The following SMARCA2 variants were observed in gnomAD, a reference collection of about 807,000 sequenced individuals.
SMARCA2 encodes the protein SWI/SNF-related matrix-associated actin-dependent regulator of chromatin subfamily A member 2.
A neutral mutation model predicts 199.8 loss-of-function variants in SMARCA2; 61 were observed. The observed-to-expected ratio is 0.31, with a 90% CI of 0.25 to 0.38. The LOEUF is 0.38. Among genes scored for constraint, SMARCA2 ranks in the 10% least tolerant of loss-of-function variants. The probability of loss-of-function intolerance (pLI) is 1.00; values close to 1 mark genes in which losing one functional copy is unlikely to be tolerated. For missense variants in SMARCA2, 1,344 were observed against 2,012.2 expected, an observed-to-expected ratio of 0.67 and a Z score of 6.35; for synonymous variants, 935 against 732.0, an observed-to-expected ratio of 1.28 and a Z score of -4.48.
intron 27 of SMARCA2, among the ~76,000 whole-genome samples, chr9:2,156,838 GA>G (rs2130738025): frequency 6.6e-6 from 1 of 152,284 alleles, no homozygotes; most frequent in African/African-American, 2.4e-5. Context: ...ATCTCAAACT[GA>G]AATTCTGACC....
In SMARCA2 at chr9:2,104,207, C is replaced by A; in HGVS notation, c.3292+38C>A. 1.9e-6 allele frequency: 3 copies of A among 1,576,254 alleles called. No homozygotes were observed. Among genetic ancestry groups the A allele is most frequent in the African/African-American group, 1.4e-5 (1 of 73,998 alleles). The stretch of plus-strand genomic sequence containing the variant: ...GGCATTAGGCTCGGAAGCCATACTA[C>A]TGAAAATGAAGGGATAATGGGCACT... On this transcript the variant is annotated intron_variant, in intron 23 of 33. Transcript: ENST00000349721. The surrounding 1 kb of genome is among the most constrained non-coding windows in gnomAD (Gnocchi z 4.0).
intron 27 of SMARCA2, among the ~76,000 whole-genome samples, chr9:2,124,467 T>A (rs117058956): frequency 6.6e-6 from 1 of 152,212 alleles, no homozygotes; most frequent in African/African-American, 2.4e-5. Flanking sequence ...ACCTTTGTAC[T>A]TGCTTGGTTT....
intron 28 of SMARCA2, among the ~76,000 whole-genome samples, chr9:2,163,479 C>T (rs957251046): frequency 3.3e-5 from 5 of 152,154 alleles, no homozygotes; most frequent in African/African-American, 9.7e-5. Context: ...GTAACTCTTA[C>T]GTTTTTACTC....
At chr9:2,176,423 T>C (rs1483879603) in intron 29 of SMARCA2, among the ~76,000 whole-genome samples, 1 of 152,178 alleles carries the variant, frequency 6.6e-6, no homozygotes, top group Non-Finnish European at 1.5e-5. Flanking sequence ...TTTAAGACTC[T>C]AGACAAAGTC....
At chr9:2,083,303 A>G (rs1333945668) in intron 15 of SMARCA2, 44 bp from the exon 16 acceptor site, 1 of 1,316,414 alleles carries the variant, frequency 7.6e-7, no homozygotes, top group Non-Finnish European at 1.1e-6. Flanking sequence ...ATTGATTTTT[A>G]TACAAATGTC....
At chr9:2,078,600 T>G (rs376300955) in intron 14 of SMARCA2, among the ~76,000 whole-genome samples, 5 of 152,204 alleles carry the variant, frequency 3.3e-5, no homozygotes, top group African/African-American at 1.2e-4. Flanking sequence ...TTAGTGACGT[T>G]TCCCAAATTG....
intron 28 of SMARCA2, among the ~76,000 whole-genome samples, chr9:2,166,172 A>G (rs1172483023): frequency 6.6e-6 from 1 of 152,250 alleles, no homozygotes; most frequent in African/African-American, 2.4e-5. Context: ...TCCTTCAGGT[A>G]GGAACACTTC....
chr9:2,109,618 T>A (rs982792257), intron 23 of SMARCA2, among the ~76,000 whole-genome samples: 2 of 136,920 alleles, frequency 1.5e-5, no homozygotes, highest in Non-Finnish European at 3.0e-5. Context: ...AGAAACAGAC[T>A]AAGAGATTTC....
intron 2 of SMARCA2, among the ~76,000 whole-genome samples, chr9:2,030,236 A>G (rs930863666): frequency 1.3e-5 from 2 of 152,200 alleles, no homozygotes; most frequent in Non-Finnish European, 2.9e-5. Flanking sequence ...ATTGGCTCAC[A>G]CAGTTATGGA....
chr9:2,022,423 TTGA>T (rs1188816628), intron 1 of SMARCA2, among the ~76,000 whole-genome samples: 1 of 152,214 alleles, frequency 6.6e-6, no homozygotes, highest in Admixed American at 6.5e-5. Flanking sequence ...AACTCATTTG[TTGA>T]TTTTTTAAAA....
In SMARCA2 at chr9:2,029,217, C is replaced by T; in HGVS notation, c.195C>T (p.Phe65=). Residue 65 remains phenylalanine (F), a synonymous_variant, in exon 2 of 34, where the codon TTC becomes TTT. Coordinates refer to ENST00000349721, the MANE Select transcript of SMARCA2 (RefSeq NM_003070.5). ...TGCCGACGATGGGGTCCACAGACTT[C>T]CCACAGGAAGGCATGCATCAAATGC... ...HPMPTMGSTD[F]PQEGMHQMHK... is the part of the protein sequence containing the mutation. 6.2e-7 allele frequency: 1 copy of T among 1,612,740 alleles called. No individual in the cohort carries two copies. Among genetic ancestry groups the T allele is most frequent in the Non-Finnish European group, 8.5e-7 (1 of 1,179,334 alleles).
chr9:2,148,026 G>C (rs1195148140), intron 27 of SMARCA2, among the ~76,000 whole-genome samples: 1 of 151,524 alleles, frequency 6.6e-6, no homozygotes, highest in Non-Finnish European at 1.5e-5. Context: ...TATTAACAAA[G>C]CATGCTGAGT....
chr9:2,132,926 C>T (rs1459572751), intron 27 of SMARCA2, among the ~76,000 whole-genome samples: 1 of 151,936 alleles, frequency 6.6e-6, no homozygotes, highest in Non-Finnish European at 1.5e-5. Flanking sequence ...TTATATAATT[C>T]GGGAGAATAA....
At chr9:2,087,858 A>G (rs1586691730) in intron 18 of SMARCA2, among the ~76,000 whole-genome samples, 1 of 152,182 alleles carries the variant, frequency 6.6e-6, no homozygotes, top group Non-Finnish European at 1.5e-5. Context: ...TGGCTTGCCC[A>G]TTTGTAGAAA....
chr9:2,178,331 A>G (rs1826771199), intron 29 of SMARCA2, among the ~76,000 whole-genome samples: 1 of 152,114 alleles, frequency 6.6e-6, no homozygotes, highest in African/African-American at 2.4e-5. Flanking sequence ...GAGGTAGATC[A>G]TTACGTAAAA....
intron 27 of SMARCA2, among the ~76,000 whole-genome samples, chr9:2,146,527 G>A (rs935543372): frequency 5.3e-5 from 8 of 152,120 alleles, no homozygotes; most frequent in Admixed American, 2.0e-4. Flanking sequence ...AAAGGGGTCC[G>A]GATCCAGATC....
At chr9:2,186,904 T>C (rs569082536) in intron 32 of SMARCA2, among the ~76,000 whole-genome samples, 1 of 152,336 alleles carries the variant, frequency 6.6e-6, no homozygotes, top group Admixed American at 6.5e-5. Flanking sequence ...ATGCCACCTA[T>C]CTTCTCTTCT....
intron 32 of SMARCA2, among the ~76,000 whole-genome samples, chr9:2,189,313 C>T (rs1432502713): frequency 3.3e-5 from 5 of 152,110 alleles, no homozygotes; most frequent in Non-Finnish European, 7.3e-5. Flanking sequence ...CCTGCTTGTC[C>T]ATAGTCTGTC....
chr9:2,024,455 G>A (rs968294750), intron 1 of SMARCA2, among the ~76,000 whole-genome samples: 2 of 151,962 alleles, frequency 1.3e-5, no homozygotes, highest in African/African-American at 2.4e-5. Flanking sequence ...TTTTTGTACC[G>A]CCTGCATGCC....
Sources: gnomAD v4.1 joint callset for allele counts (sites outside exome capture counted in the v4.1 genomes callset) on GRCh38, gnomAD v4.1.1 for gene constraint, Gnocchi (gnomAD v3.1) non-coding constraint, MANE v1.5 for transcripts, NCBI Gene and HGNC (gene_info 2026-07-23, HGNC 2026-07-21) for gene names.